The following USP50 variants were observed in gnomAD, a reference collection of about 807,000 sequenced individuals.
The protein encoded by USP50 is ubiquitin carboxyl-terminal hydrolase 50.
Under a neutral mutation model 39.2 loss-of-function variants are expected in USP50, and 37 were observed. The observed-to-expected ratio is 0.94, with a 90% CI of 0.73 to 1.24. USP50 has a LOEUF of 1.24. USP50 is among the 50% of genes most tolerant of loss of function. The pLI is 0.00. For synonymous variants in USP50, 139 were observed against 144.5 expected (o/e 0.96, Z 0.27); for missense variants, 374 against 398.2 (o/e 0.94, Z 0.52).
chr15:50,512,862 A>G (rs1025885385), intron 6 of USP50: 6 of 152,210 alleles, frequency 3.9e-5, no homozygotes, highest in African/African-American at 1.2e-4. Flanking sequence ...TGGTATGTGA[A>G]CTATCTCTAA....
At chr15:50,527,567 T>G (rs2141369236) in intron 6 of USP50, among the ~76,000 whole-genome samples, 1 of 152,152 alleles carries the variant, frequency 6.6e-6, no homozygotes, top group Middle Eastern at 3.4e-3. Flanking sequence ...GACCACACCT[T>G]AAGTAGCAAA....
rs2052926486 is a variant in USP50, at chr15:50,529,841, A to ATATTTCCG, written c.891_892insCGGAAATA (p.Ser298ArgfsTer18). On this transcript the variant is annotated frameshift_variant, in exon 6 of 7. Transcript: ENST00000532404. LOFTEE classifies it high-confidence loss of function. ...TATTTAGGATATTTCCGGAAAATTG[A>ATATTTCCG]GCAAATATAAGGAGTGAGGTCCAAG... 6.2e-7 allele frequency: 1 copy of ATATTTCCG among 1,613,832 alleles called. No homozygotes were observed. Among genetic ancestry groups the ATATTTCCG allele is most frequent in the African/African-American group, 1.3e-5 (1 of 74,928 alleles).
chr15:50,494,850 A>C (rs1201884276), intron 1 of USP50, among the ~76,000 whole-genome samples: 1 of 152,110 alleles, frequency 6.6e-6, no homozygotes, highest in East Asian at 1.9e-4. Flanking sequence ...CCTCGTCTCT[A>C]CTAAAAATAC....
intron 6 of USP50, among the ~76,000 whole-genome samples, chr15:50,517,161 A>G (rs1330801350): frequency 1.3e-5 from 2 of 152,206 alleles, no homozygotes; most frequent in South Asian, 2.1e-4. Flanking sequence ...TAGAGGTCAT[A>G]CAATAAGACT....
At position 50,538,859 on chromosome 15, in the gene USP50, G is replaced by C. The variant is rs529918260; in HGVS notation, c.661-8C>G. ...AAAACATTGGAGACAGTCCTGTTAAGGAAAAAAAGGATTTGGTGACCAAAT... is the reference window on the plus strand; with the variant it reads ...AAAACATTGGAGACAGTCCTGTTAACGAAAAAAAGGATTTGGTGACCAAAT... On this transcript the variant is annotated splice_polypyrimidine_tract_variant and splice_region_variant and intron_variant, in intron 4 of 6. Coordinates refer to ENST00000532404, the MANE Select transcript of USP50 (RefSeq NM_203494.5). The C allele has an allele frequency of 8.2e-6, 13 of 1,582,638 alleles. No homozygotes were observed. Among genetic ancestry groups the C allele is most frequent in the Admixed American group, 7.6e-5 (4 of 52,928 alleles).
chr15:50,519,972 T>C (rs2052835722), intron 6 of USP50, among the ~76,000 whole-genome samples: 1 of 152,086 alleles, frequency 6.6e-6, no homozygotes, highest in Admixed American at 6.6e-5. Flanking sequence ...AAGGGATACC[T>C]GCACCCTCAT....
chr15:50,543,658 T>C lies in USP50; in HGVS notation c.384A>G (p.Gln128=), dbSNP rs1429827919. 1.2e-6 allele frequency: 2 copies of C among 1,613,750 alleles called. No homozygotes were observed. The highest frequency in any genetic ancestry group is 1.7e-6 in the Non-Finnish European group (2 of 1,179,788). ...NLYPAFTKKM[Q]QDAQEFLICV... ...AAATCAAGAATTCCTGAGCATCTTG[T>C]TGCATCTTTTTCGTAAATGCTGGGT... The change falls in exon 3 of 7, where the codon CAA becomes CAG. Residue 128 remains glutamine, a synonymous_variant. Transcript: ENST00000532404.
chr15:50,519,786 T>C (rs1021612928), intron 6 of USP50, among the ~76,000 whole-genome samples: 1 of 151,476 alleles, frequency 6.6e-6, no homozygotes, highest in Non-Finnish European at 1.5e-5. Flanking sequence ...AAATAACAAA[T>C]ACTGGCAAGG....
intron 1 of USP50, among the ~76,000 whole-genome samples, chr15:50,494,507 TA>T (rs2052297637): frequency 6.6e-6 from 1 of 152,242 alleles, no homozygotes; most frequent in Non-Finnish European, 1.5e-5. Flanking sequence ...TTGCAAATGT[TA>T]AAATAGTTAT....
intron 6 of USP50, chr15:50,507,471 T>C (rs1240066556): frequency 6.6e-6 from 1 of 152,160 alleles, no homozygotes; most frequent in Non-Finnish European, 1.5e-5. Context: ...AAAGCTGAAG[T>C]AGCTATACAT....
intron 6 of USP50, among the ~76,000 whole-genome samples, chr15:50,518,225 T>C: frequency 9.1e-6 from 1 of 110,478 alleles, no homozygotes; most frequent in East Asian, 2.9e-4. Flanking sequence ...TTTTCTTTTT[T>C]TGTTTTTTTT....
At chr15:50,539,797 C>T (rs1370427058) in intron 4 of USP50, among the ~76,000 whole-genome samples, 1 of 152,182 alleles carries the variant, frequency 6.6e-6, no homozygotes, top group Non-Finnish European at 1.5e-5. Flanking sequence ...ACAAAAATGA[C>T]TCTCAGGGTT....
downstream of USP50, chr15:50,493,380 T>C (rs1175861956): frequency 1.9e-6 from 1 of 519,252 alleles, no homozygotes; most frequent in Non-Finnish European, 3.8e-6. Context: ...CAAGAACCCA[T>C]TTTACCTTTC....
intron 6 of USP50, among the ~76,000 whole-genome samples, chr15:50,525,226 G>A (rs1339872710): frequency 6.6e-6 from 1 of 152,162 alleles, no homozygotes; most frequent in African/African-American, 2.4e-5. Flanking sequence ...TGAACTCACT[G>A]AAGTAGAGAG....
intron 6 of USP50, chr15:50,505,459 C>CA (rs2052645895): frequency 6.6e-6 from 1 of 152,146 alleles, no homozygotes; most frequent in Admixed American, 6.6e-5. Context: ...AAAGACTTCT[C>CA]AAAGACTGAG....
chr15:50,543,809 G>A lies in USP50; in HGVS notation c.249-16C>T, dbSNP rs1320156710. ...ACTGCAATCGCTTGGAAGAAGAAAGGGATATGTTTCTGGCTGATTTAATGA... is the reference window on the plus strand; with the variant it reads ...ACTGCAATCGCTTGGAAGAAGAAAGAGATATGTTTCTGGCTGATTTAATGA... On this transcript the variant is annotated splice_polypyrimidine_tract_variant and intron_variant, in intron 2 of 6. Transcript: ENST00000532404. 4 of 1,598,924 alleles carry A rather than the reference G, an allele frequency of 2.5e-6. No homozygotes were observed. Among genetic ancestry groups the A allele is most frequent in the Non-Finnish European group, 3.4e-6 (4 of 1,172,026 alleles).
chr15:50,494,438 A>G (rs2052294579), intron 1 of USP50, among the ~76,000 whole-genome samples: 1 of 152,246 alleles, frequency 6.6e-6, no homozygotes, highest in Non-Finnish European at 1.5e-5. Context: ...AGGTAAGTGT[A>G]ATATTTGAAG....
At chr15:50,497,900 A>C (rs1042698196), downstream of USP50, among the ~76,000 whole-genome samples, 1 of 152,184 alleles carries the variant, frequency 6.6e-6, no homozygotes, top group Admixed American at 6.5e-5. Context: ...AAAATGTTTT[A>C]TCTTGTATTG....
intron 4 of USP50, among the ~76,000 whole-genome samples, chr15:50,540,484 A>C (rs2053018986): frequency 1.3e-5 from 2 of 152,274 alleles, no homozygotes; most frequent in Admixed American, 1.3e-4. Flanking sequence ...AGACTCAATA[A>C]ACCCCACTAT....
Sources: gnomAD v4.1 joint callset for allele counts (sites outside exome capture counted in the v4.1 genomes callset) on GRCh38, gnomAD v4.1.1 for gene constraint, MANE v1.5 for transcripts, NCBI Gene and HGNC (gene_info 2026-07-23, HGNC 2026-07-21) for gene names.